The following ACSS3 variants were observed in gnomAD, a reference collection of about 807,000 sequenced individuals.
The protein encoded by ACSS3 is acyl-CoA synthetase short chain family member 3, also known as acyl-CoA synthetase short-chain family member 3, mitochondrial.
Under a neutral mutation model 84.2 loss-of-function variants are expected in ACSS3, and 64 were observed. The ratio of observed to expected loss-of-function variants is 0.76; its 90% confidence interval spans 0.62 to 0.94. ACSS3 has a LOEUF of 0.94. Among genes scored for constraint, ACSS3 ranks in the 40% least tolerant of loss-of-function variants. The pLI, the probability that ACSS3 is intolerant of heterozygous loss-of-function variation, is 0.00. For missense variants in ACSS3, 815 were observed against 867.6 expected (o/e 0.94, Z 0.76); for synonymous variants, 317 against 310.1 (o/e 1.02, Z -0.23).
At chr12:81,239,485 G>A (rs563910378) in intron 13 of ACSS3, among the ~76,000 whole-genome samples, 8 of 151,932 alleles carry the variant, frequency 5.3e-5, no homozygotes, top group Non-Finnish European at 1.0e-4. Flanking sequence ...ATTTATAAAG[G>A]AAAGAGGTTT....
At position 81,143,259 on chromosome 12, in the gene ACSS3, C is replaced by T. The variant is rs1336301551; in HGVS notation, c.921+12C>T. On this transcript the variant is annotated intron_variant, in intron 5 of 15. Transcript: ENST00000548058. ...CGGGGTTACCTAAGGTACTCACTCT[C>T]TTAGAGATAACTATCTATAGCAGTA... 3.8e-6 allele frequency: 6 copies of T among 1,566,640 alleles called. No homozygotes were observed. The East Asian group carries it at 1.1e-4, about 30-fold the overall frequency.
chr12:81,156,382 G>T (rs1015390030), intron 7 of ACSS3, among the ~76,000 whole-genome samples: 2 of 151,936 alleles, frequency 1.3e-5, no homozygotes, highest in Non-Finnish European at 1.5e-5. Context: ...AAGAATATAA[G>T]CTCCTATCTC....
chr12:81,096,633 C>T (rs12827258), intron 1 of ACSS3, among the ~76,000 whole-genome samples: 1 of 151,978 alleles, frequency 6.6e-6, no homozygotes, highest in South Asian at 2.1e-4. Flanking sequence ...CCCCCCACCC[C>T]CTGACAGGCC....
intron 2 of ACSS3, among the ~76,000 whole-genome samples, chr12:81,114,583 T>C (rs540285394): frequency 7.7e-4 from 117 of 152,282 alleles, no homozygotes; most frequent in Non-Finnish European, 1.1e-3. Context: ...ATCTGTTTCC[T>C]TTCCTTAAAT....
intron 13 of ACSS3, among the ~76,000 whole-genome samples, chr12:81,238,405 C>G (rs10746185): frequency 0.62 from 94,267 of 151,620 alleles, 30,215 homozygotes; most frequent in Non-Finnish European, 0.72. Flanking sequence ...GTCATTGGAA[C>G]GACAGATTGT....
At chr12:81,234,314 G>T (rs1204022393) in intron 13 of ACSS3, among the ~76,000 whole-genome samples, 1 of 151,118 alleles carries the variant, frequency 6.6e-6, no homozygotes, top group Non-Finnish European at 1.5e-5. Flanking sequence ...AGGACATATG[G>T]GTTATATCTA....
At chr12:81,240,115 A>G (rs1453399627) in intron 13 of ACSS3, among the ~76,000 whole-genome samples, 1 of 151,918 alleles carries the variant, frequency 6.6e-6, no homozygotes, top group Non-Finnish European at 1.5e-5. Flanking sequence ...GAACTGAACT[A>G]TGTCCTTACT....
intron 1 of ACSS3, among the ~76,000 whole-genome samples, chr12:81,107,494 T>TC (rs1883117619): frequency 9.0e-6 from 1 of 111,328 alleles, no homozygotes; most frequent in Non-Finnish European, 1.8e-5. Context: ...GTTTTTTTTT[T>TC]CAGGTACAAA....
chr12:81,095,308 T>C (rs1375767462), intron 1 of ACSS3, among the ~76,000 whole-genome samples: 1 of 152,216 alleles, frequency 6.6e-6, no homozygotes, highest in Non-Finnish European at 1.5e-5. Context: ...TGCTTTCCTT[T>C]AAAAACTCTA....
chr12:81,259,860 A>T lies in ACSS3; in HGVS notation c.*4938A>T. The T allele has an allele frequency of 2.5e-6, 1 of 407,548 alleles. No individual in the cohort carries two copies. The highest frequency in any genetic ancestry group is 4.4e-6 in the Non-Finnish European group (1 of 229,702). The allele number at this position is 407,548 out of a possible 1,614,324, so 25.2% of individuals were successfully genotyped here. A position where few individuals can be genotyped will look rare whatever the true frequency, so the allele number is the denominator to read the frequency against. On this transcript the variant is annotated 3_prime_UTR_variant, in exon 16 of 16. Coordinates refer to ENST00000548058, the MANE Select transcript of ACSS3 (RefSeq NM_024560.4). ...CTCCAATTTGGTGCAGGGGAGCTTAACAAATAATAGAATTTGCTCAACTTT... is the reference window on the plus strand; with the variant it reads ...CTCCAATTTGGTGCAGGGGAGCTTATCAAATAATAGAATTTGCTCAACTTT...
chr12:81,118,032 G>A (rs1328525371), intron 2 of ACSS3: 1 of 152,070 alleles, frequency 6.6e-6, no homozygotes, highest in African/African-American at 2.4e-5. Context: ...AATTGTTTCT[G>A]TATAATTTTC....
At chr12:81,132,844 G>C (rs972725417) in intron 2 of ACSS3, among the ~76,000 whole-genome samples, 2 of 152,022 alleles carry the variant, frequency 1.3e-5, no homozygotes, top group African/African-American at 4.8e-5. Flanking sequence ...TATTCTCGTT[G>C]GTCTCTCTCA....
At chr12:81,239,661 C>A (rs776017718) in intron 13 of ACSS3, among the ~76,000 whole-genome samples, 10 of 151,818 alleles carry the variant, frequency 6.6e-5, no homozygotes, top group African/African-American at 1.9e-4. Context: ...ATCATGAGAA[C>A]AACACAGAAA....
intron 8 of ACSS3, among the ~76,000 whole-genome samples, chr12:81,194,527 A>T (rs187693619): frequency 9.9e-5 from 15 of 152,040 alleles, no homozygotes; most frequent in African/African-American, 3.6e-4. Flanking sequence ...CATTCAATAA[A>T]TAGTAAAGTG....
chr12:81,192,328 C>T (rs1018916375), intron 8 of ACSS3, among the ~76,000 whole-genome samples: 2 of 152,116 alleles, frequency 1.3e-5, no homozygotes, highest in African/African-American at 4.8e-5. Flanking sequence ...TATAGTAAGC[C>T]GAGACCGTGC....
chr12:81,157,399 C>T (rs1226145742), intron 7 of ACSS3, among the ~76,000 whole-genome samples: 1 of 152,214 alleles, frequency 6.6e-6, no homozygotes, highest in Non-Finnish European at 1.5e-5. Context: ...CTGCTAATAT[C>T]ATACCTAATC....
At chr12:81,094,145 ATAT>A (rs543180042) in intron 1 of ACSS3, among the ~76,000 whole-genome samples, 1,707 of 144,142 alleles carry the variant, frequency 0.012, 31 homozygotes, top group African/African-American at 0.042. Context: ...TTCCAAGGAT[ATAT>A]TTTTTTTTCC....
intron 8 of ACSS3, among the ~76,000 whole-genome samples, chr12:81,191,433 G>T (rs1022851863): frequency 7.2e-5 from 11 of 151,960 alleles, no homozygotes; most frequent in East Asian, 1.9e-4. Context: ...TGGTTTCAGG[G>T]TTTTGCTCGT....
At chr12:81,197,914 T>C (rs1001411406) in intron 8 of ACSS3, among the ~76,000 whole-genome samples, 10 of 152,086 alleles carry the variant, frequency 6.6e-5, no homozygotes, top group Non-Finnish European at 1.0e-4. Flanking sequence ...CGATTTCCCA[T>C]CCCCTGTATC....
Sources: allele counts gnomAD v4.1 joint callset (sites outside exome capture counted in the v4.1 genomes callset), GRCh38; gene constraint gnomAD v4.1.1; transcripts MANE v1.5; gene names NCBI Gene and HGNC (gene_info 2026-07-23, HGNC 2026-07-21).